Variants in FZD3 observed in about 807,000 individuals in gnomAD.
FZD3 encodes frizzled-3.
In FZD3, 30 loss-of-function variants were observed where a neutral mutation model predicts 60.7. The ratio of observed to expected loss-of-function variants is 0.49; its 90% confidence interval spans 0.37 to 0.67. The LOEUF is 0.67. Among genes scored for constraint, FZD3 ranks in the 30% least tolerant of loss-of-function variants. The pLI, the probability that FZD3 is intolerant of heterozygous loss-of-function variation, is 0.00. For synonymous variants in FZD3, 246 were observed against 275.2 expected (o/e 0.89, Z 1.05); for missense variants, 605 against 838.7 (o/e 0.72, Z 3.44).
At chr8:28,556,847 G>T (rs943740878) in intron 7 of FZD3, among the ~76,000 whole-genome samples, 1 of 152,218 alleles carries the variant, frequency 6.6e-6, no homozygotes, top group Non-Finnish European at 1.5e-5. Flanking sequence ...AATTCTGGTG[G>T]CTAGGGAGGG....
chr8:28,544,001 A>C (rs1585990778), intron 5 of FZD3, among the ~76,000 whole-genome samples: 2 of 152,054 alleles, frequency 1.3e-5, no homozygotes, highest in East Asian at 3.9e-4. Flanking sequence ...AGAACCTTGA[A>C]TATATTAATG....
intron 3 of FZD3, among the ~76,000 whole-genome samples, chr8:28,513,264 T>C (rs768635895): frequency 3.3e-5 from 5 of 152,222 alleles, no homozygotes; most frequent in African/African-American, 4.8e-5. Flanking sequence ...TTTGTAAAGC[T>C]TTATCTTTTG....
At chr8:28,515,806 A>G (rs1185296389) in intron 3 of FZD3, among the ~76,000 whole-genome samples, 1 of 152,174 alleles carries the variant, frequency 6.6e-6, no homozygotes, top group Non-Finnish European at 1.5e-5. Context: ...ACCAATTATT[A>G]TTTTAGAGAG....
At chr8:28,525,467 G>C (rs1314605218) in intron 4 of FZD3, among the ~76,000 whole-genome samples, 1 of 152,138 alleles carries the variant, frequency 6.6e-6, no homozygotes, top group African/African-American at 2.4e-5. Flanking sequence ...TGATATCTGG[G>C]GGCAGAGCGG....
At chr8:28,554,801 G>A (rs1289311913) in intron 6 of FZD3, among the ~76,000 whole-genome samples, 5 of 152,130 alleles carry the variant, frequency 3.3e-5, no homozygotes, top group Non-Finnish European at 4.4e-5. Context: ...CAATCCTTTT[G>A]TAATATGAGA....
intron 1 of FZD3, among the ~76,000 whole-genome samples, chr8:28,498,487 G>T (rs1052986627): frequency 1.2e-4 from 18 of 152,090 alleles, no homozygotes; most frequent in African/African-American, 4.3e-4. Flanking sequence ...TAGGAAAAAT[G>T]GCATACTCAC....
At chr8:28,561,796 A>G (rs352223) in intron 7 of FZD3, among the ~76,000 whole-genome samples, 2,735 of 152,322 alleles carry the variant, frequency 0.018, 97 homozygotes, top group African/African-American at 0.062. Flanking sequence ...ACTAGGGATT[A>G]AAAGATAAAA....
chr8:28,549,944 T>G (rs547766283), intron 5 of FZD3, among the ~76,000 whole-genome samples: 1 of 152,186 alleles, frequency 6.6e-6, no homozygotes, highest in Non-Finnish European at 1.5e-5. Flanking sequence ...TGCTGTTGAA[T>G]TCTGTTTGCA....
intron 5 of FZD3, among the ~76,000 whole-genome samples, chr8:28,532,987 A>G (rs1038321415): frequency 2.0e-5 from 3 of 152,216 alleles, no homozygotes; most frequent in Admixed American, 1.3e-4. Flanking sequence ...GTAAGTTACC[A>G]TTTAATCTCT....
At chr8:28,561,379 T>C (rs968811842) in intron 7 of FZD3, among the ~76,000 whole-genome samples, 43 of 152,056 alleles carry the variant, frequency 2.8e-4, no homozygotes, top group African/African-American at 8.7e-4. Context: ...TAAAAAAAAA[T>C]TTTTTTCAAA....
intron 5 of FZD3, among the ~76,000 whole-genome samples, chr8:28,546,702 G>A (rs1585993339): frequency 6.6e-6 from 1 of 152,078 alleles, no homozygotes; most frequent in African/African-American, 2.4e-5. Flanking sequence ...GAGGCTGGGC[G>A]CAGTGGCTCA....
In FZD3 at chr8:28,502,201, T is replaced by G. The variant is rs1804013512; in HGVS notation, c.-344-469T>G. On this transcript the variant is annotated intron_variant, in intron 2 of 7. Coordinates refer to ENST00000240093, the MANE Select transcript of FZD3 (RefSeq NM_017412.4). ...GAGGCTTGAATCTGTATCTTTTGAC[T>G]TACTTTTCAGACCACTTTCACAGAT... is the stretch of plus-strand genomic sequence containing the variant. 2.0e-5 allele frequency among the ~76,000 whole-genome samples: 3 copies of G among 152,192 alleles called. No individual in the cohort carries two copies. The South Asian group carries it at 6.2e-4, about 31-fold the overall frequency.
In FZD3 at chr8:28,572,817, T is replaced by C. The variant is rs993602937; in HGVS notation, c.*9806T>C. ...TTACCTTTATTTCATTATAAAAGTATATGAGTTGAAGATCATATAAAAAAT... is the reference window on the plus strand; with the variant it reads ...TTACCTTTATTTCATTATAAAAGTACATGAGTTGAAGATCATATAAAAAAT... On this transcript the variant is annotated 3_prime_UTR_variant, in exon 8 of 8. Coordinates refer to ENST00000240093, the MANE Select transcript of FZD3 (RefSeq NM_017412.4). The C allele has an allele frequency of 6.7e-6, 1 of 149,452 alleles. No homozygotes were observed. The highest frequency in any genetic ancestry group is 1.5e-5 in the Non-Finnish European group (1 of 67,994). The allele number at this position is 149,452 out of a possible 1,614,324, so 9.3% of individuals were successfully genotyped here.
chr8:28,495,911 T>G (rs1803832055), intron 1 of FZD3, among the ~76,000 whole-genome samples: 1 of 152,072 alleles, frequency 6.6e-6, no homozygotes, highest in South Asian at 2.1e-4. Context: ...AGCCTATCAT[T>G]CTACCCTCTC....
chr8:28,546,439 T>A (rs750678046), intron 5 of FZD3, among the ~76,000 whole-genome samples: 2 of 152,172 alleles, frequency 1.3e-5, no homozygotes, highest in African/African-American at 2.4e-5. Flanking sequence ...TTCATTTACA[T>A]TATTATTGTT....
chr8:28,495,286 C>A (rs1803814316), intron 1 of FZD3, among the ~76,000 whole-genome samples: 1 of 152,126 alleles, frequency 6.6e-6, no homozygotes, highest in Admixed American at 6.5e-5. Flanking sequence ...TGAAGGAGGT[C>A]CGGCGGTTTG....
intron 7 of FZD3, among the ~76,000 whole-genome samples, chr8:28,561,800 G>C (rs935537705): frequency 1.3e-5 from 2 of 152,122 alleles, no homozygotes; most frequent in African/African-American, 4.8e-5. Context: ...GGGATTAAAA[G>C]ATAAAATATG....
intron 3 of FZD3, among the ~76,000 whole-genome samples, chr8:28,512,683 A>G (rs1804320158): frequency 6.6e-6 from 1 of 152,124 alleles, no homozygotes; most frequent in Non-Finnish European, 1.5e-5. Context: ...TTTTGATTGG[A>G]TAAGTACAAT....
chr8:28,552,207 C>T (rs1042878972), intron 6 of FZD3, among the ~76,000 whole-genome samples: 2 of 152,196 alleles, frequency 1.3e-5, no homozygotes, highest in African/African-American at 4.8e-5. Flanking sequence ...AGATAAACTT[C>T]TGTCTCCAGT....
Sources: allele counts gnomAD v4.1 joint callset (sites outside exome capture counted in the v4.1 genomes callset), GRCh38; gene constraint gnomAD v4.1.1; transcripts MANE v1.5; gene names NCBI Gene and HGNC (gene_info 2026-07-23, HGNC 2026-07-21).